SCAPER: variants seen among roughly 807,000 people sequenced by gnomAD.
SCAPER encodes the protein S-phase cyclin A associated protein in the ER, also known as S phase cyclin A-associated protein in the endoplasmic reticulum.
SCAPER carries 98 observed loss-of-function variants against 182.2 expected under a neutral mutation model. The ratio of observed to expected loss-of-function variants is 0.54; its 90% confidence interval spans 0.46 to 0.64. The LOEUF (loss-of-function observed/expected upper bound fraction) is 0.64. Among genes scored for constraint, SCAPER ranks in the 30% least tolerant of loss-of-function variants. The pLI, the probability that SCAPER is intolerant of heterozygous loss-of-function variation, is 0.00. For synonymous variants in SCAPER, 605 were observed against 564.6 expected (o/e 1.07, Z -1.01); for missense variants, 1,432 against 1,690.0 (o/e 0.85, Z 2.68).
At chr15:76,443,031 G>A (rs954639374) in intron 25 of SCAPER, among the ~76,000 whole-genome samples, 3 of 152,116 alleles carry the variant, frequency 2.0e-5, no homozygotes, top group Non-Finnish European at 4.4e-5. Flanking sequence ...GAAAGTTGGG[G>A]TAAAAAACAC....
At chr15:76,659,901 C>T (rs2055987612) in intron 21 of SCAPER, among the ~76,000 whole-genome samples, 1 of 152,134 alleles carries the variant, frequency 6.6e-6, no homozygotes, top group African/African-American at 2.4e-5. Context: ...GGTATATACC[C>T]ATAGGAATAT....
intron 6 of SCAPER, among the ~76,000 whole-genome samples, chr15:76,801,091 T>C (rs1168608220): frequency 6.6e-6 from 1 of 152,256 alleles, no homozygotes; most frequent in African/African-American, 2.4e-5. Context: ...TGTCTTTGTT[T>C]TTTAAATTAT....
At chr15:76,844,754 T>C (rs1190208562) in intron 4 of SCAPER, among the ~76,000 whole-genome samples, 1 of 152,116 alleles carries the variant, frequency 6.6e-6, no homozygotes, top group Non-Finnish European at 1.5e-5. Context: ...GCTCAGGCCC[T>C]GAAGGCTTCA....
At chr15:76,848,674 T>C (rs2070396414) in intron 4 of SCAPER, among the ~76,000 whole-genome samples, 1 of 152,204 alleles carries the variant, frequency 6.6e-6, no homozygotes, top group African/African-American at 2.4e-5. Context: ...TCGTTTATTA[T>C]ATGTGTATCT....
At chr15:76,714,041 C>T (rs983676768) in intron 17 of SCAPER, among the ~76,000 whole-genome samples, 1 of 152,026 alleles carries the variant, frequency 6.6e-6, no homozygotes, top group South Asian at 2.1e-4. Flanking sequence ...ACAAATACTA[C>T]TCAGCAATTT....
intron 26 of SCAPER, among the ~76,000 whole-genome samples, chr15:76,429,299 T>C (rs1474237321): frequency 1.3e-5 from 2 of 151,834 alleles, no homozygotes; most frequent in African/African-American, 4.8e-5. Flanking sequence ...ACCAGTAGAG[T>C]GGGGCTCTGC....
intron 23 of SCAPER, among the ~76,000 whole-genome samples, chr15:76,524,887 T>C (rs1400031590): frequency 2.0e-5 from 3 of 152,024 alleles, no homozygotes; most frequent in Non-Finnish European, 2.9e-5. Flanking sequence ...CCCCTTAAAA[T>C]GTGAAAAATT....
intron 21 of SCAPER, among the ~76,000 whole-genome samples, chr15:76,624,325 A>C (rs1230831862): frequency 6.6e-6 from 1 of 152,214 alleles, no homozygotes; most frequent in Non-Finnish European, 1.5e-5. Context: ...TAAGATACCT[A>C]GGAATACATT....
intron 3 of SCAPER, among the ~76,000 whole-genome samples, chr15:76,858,807 CT>C (rs1202547860): frequency 2.2e-5 from 3 of 135,400 alleles, no homozygotes; most frequent in Non-Finnish European, 4.8e-5. Context: ...TGATTTCATT[CT>C]TTTTATGGCT....
At chr15:76,697,228 C>A (rs1476339688) in intron 20 of SCAPER, among the ~76,000 whole-genome samples, 1 of 152,062 alleles carries the variant, frequency 6.6e-6, no homozygotes, top group East Asian at 1.9e-4. Context: ...ATGAAACTTC[C>A]ATGAGAGTAG....
chr15:76,412,878 T>C (rs1196322254), intron 26 of SCAPER, among the ~76,000 whole-genome samples: 1 of 152,178 alleles, frequency 6.6e-6, no homozygotes, highest in Non-Finnish European at 1.5e-5. Flanking sequence ...GGATATTATA[T>C]ATATCTCCGT....
chr15:76,527,299 G>A (rs2043283811), intron 23 of SCAPER, among the ~76,000 whole-genome samples: 1 of 152,132 alleles, frequency 6.6e-6, no homozygotes, highest in Non-Finnish European at 1.5e-5. Context: ...GTTTTGGTTT[G>A]CAGGTGCATT....
intron 20 of SCAPER, among the ~76,000 whole-genome samples, chr15:76,685,516 T>TA (rs2057990217): frequency 6.6e-6 from 1 of 151,926 alleles, no homozygotes; most frequent in South Asian, 2.1e-4. Flanking sequence ...AACTAACAGG[T>TA]AAAAAATACC....
intron 5 of SCAPER, among the ~76,000 whole-genome samples, chr15:76,824,567 T>C (rs149642468): frequency 4.5e-4 from 68 of 152,356 alleles, no homozygotes; most frequent in African/African-American, 1.6e-3. Context: ...ACGAGTTTCT[T>C]AAAACATTAT....
chr15:76,615,490 CAG>C (rs1320142806), intron 22 of SCAPER, among the ~76,000 whole-genome samples: 9 of 84,300 alleles, frequency 1.1e-4, no homozygotes, highest in Middle Eastern at 6.3e-3. Context: ...CACACACACA[CAG>C]ACACACACAC....
chr15:76,811,720 G>A (rs1402983124), intron 5 of SCAPER, among the ~76,000 whole-genome samples: 1 of 151,766 alleles, frequency 6.6e-6, no homozygotes, highest in Non-Finnish European at 1.5e-5. Flanking sequence ...CCCAGGAGGT[G>A]GAGGTTGCGG....
chr15:76,850,908 A>G (rs1026246270), intron 4 of SCAPER, among the ~76,000 whole-genome samples: 3 of 151,900 alleles, frequency 2.0e-5, no homozygotes, highest in Non-Finnish European at 4.4e-5. Context: ...GGATAGGAAC[A>G]TAGATCATCG....
At chr15:76,746,062 T>G (rs1198105415) in intron 15 of SCAPER, among the ~76,000 whole-genome samples, 2 of 152,214 alleles carry the variant, frequency 1.3e-5, no homozygotes, top group African/African-American at 4.8e-5. Flanking sequence ...TCAATTAATG[T>G]AATACACCAG....
At chr15:76,548,002 T>C (rs2045436933) in intron 23 of SCAPER, among the ~76,000 whole-genome samples, 1 of 152,176 alleles carries the variant, frequency 6.6e-6, no homozygotes, top group African/African-American at 2.4e-5. Context: ...AACAGCTTTA[T>C]TGTATTGAGT....
Sources: allele counts gnomAD v4.1 joint callset (sites outside exome capture counted in the v4.1 genomes callset), GRCh38; gene constraint gnomAD v4.1.1; transcripts MANE v1.5; gene names NCBI Gene and HGNC (gene_info 2026-07-23, HGNC 2026-07-21).